DSC3: variants seen among roughly 807,000 people sequenced by gnomAD.
DSC3 encodes desmocollin 3.
Under a neutral mutation model 89.5 loss-of-function variants are expected in DSC3, and 97 were observed. The ratio of observed to expected loss-of-function variants is 1.08; its 90% confidence interval spans 0.92 to 1.28. The LOEUF (loss-of-function observed/expected upper bound fraction) is 1.28, where lower values mean the gene tolerates loss of function less well. DSC3 is among the 50% of genes most tolerant of loss of function. The probability of loss-of-function intolerance (pLI) is 0.00; values close to 1 mark genes in which losing one functional copy is unlikely to be tolerated. For synonymous variants in DSC3, 436 were observed against 384.1 expected (o/e 1.14, Z -1.58); for missense variants, 1,199 against 1,085.3 (o/e 1.10, Z -1.47).
intron 14 of DSC3, among the ~76,000 whole-genome samples, chr18:30,997,800 G>A (rs1984527566): frequency 6.6e-6 from 1 of 152,074 alleles, no homozygotes; most frequent in South Asian, 2.1e-4. Flanking sequence ...GAATAGAACA[G>A]GTAACTGGAA....
chr18:31,003,867 C>A (rs1358461310), intron 13 of DSC3, among the ~76,000 whole-genome samples: 1 of 152,160 alleles, frequency 6.6e-6, no homozygotes, highest in Non-Finnish European at 1.5e-5. Context: ...AGGAATAGCA[C>A]TGGAACCAAG....
intron 7 of DSC3, among the ~76,000 whole-genome samples, chr18:31,021,662 A>G (rs1270106798): frequency 6.6e-6 from 1 of 152,232 alleles, no homozygotes; most frequent in African/African-American, 2.4e-5. Flanking sequence ...TCAATAATGC[A>G]TGATTGCTGA....
Position 31,006,007 on chromosome 18 carries a change from C to T in DSC3, c.1888+900G>A, listed in dbSNP as rs541005700. ...GCTAAGAAATGGAAAAGGAGGTATT[C>T]TATGTAGATATGGCTATATACACAA... On this transcript the variant is annotated intron_variant, in intron 12 of 15. Coordinates refer to ENST00000360428, the MANE Select transcript of DSC3 (RefSeq NM_001941.5). Among the ~76,000 whole-genome samples the T allele has an allele frequency of 1.4e-3, 211 of 152,152 alleles. 1 individual carries two copies. The highest frequency in any genetic ancestry group is 4.7e-3 in the African/African-American group (196 of 41,480).
In DSC3 at chr18:31,013,040, A is replaced by T. The variant is rs186216970; in HGVS notation, c.1264-4515T>A. ...GATATTCATAAGAAAAAAATCCACA[A>T]AGGAAGATCACTAGGTAAGAGTGGC... On this transcript the variant is annotated intron_variant, in intron 9 of 15. Transcript: ENST00000360428. Among the ~76,000 whole-genome samples the T allele has an allele frequency of 3.2e-3, 486 of 152,324 alleles. 3 individuals carry two copies. The highest frequency in any genetic ancestry group is 0.01 in the African/African-American group (417 of 41,582).
At chr18:31,014,899 C>CTG (rs1390953775) in intron 9 of DSC3, among the ~76,000 whole-genome samples, 1 of 152,020 alleles carries the variant, frequency 6.6e-6, no homozygotes, top group Non-Finnish European at 1.5e-5. Context: ...TATTTACCTT[C>CTG]ATCAGCCTTA....
chr18:31,022,448 T>C lies in DSC3; in HGVS notation c.830A>G (p.His277Arg). Reference sequence around the variant, plus strand: ...CAAAATGCTGTATTTCAGGCGCGTATGCATTGTGTCCGGTTCATCTCTGTC... The same window carrying C: ...CAAAATGCTGTATTTCAGGCGCGTACGCATTGTGTCCGGTTCATCTCTGTC... Reference protein sequence around the residue: ...ATDRDEPDTMHTRLKYSILQQ... With the variant: ...ATDRDEPDTMRTRLKYSILQQ... Residue 277 changes from histidine (H) to arginine (R), a missense_variant, in exon 7 of 16, where the codon CAT becomes CGT. Physicochemically the swap from His to Arg is conservative, Grantham distance 29. Transcript: ENST00000360428. 4 of 1,614,086 alleles carry C rather than the reference T, an allele frequency of 2.5e-6. No individual in the cohort carries two copies. The highest frequency in any genetic ancestry group is 1.1e-5 in the South Asian group (1 of 91,086).
At chr18:30,995,018 A>G (rs1218646152) in intron 15 of DSC3, among the ~76,000 whole-genome samples, 2 of 152,164 alleles carry the variant, frequency 1.3e-5, no homozygotes, top group African/African-American at 2.4e-5. Context: ...ATATACATGC[A>G]TCGAAAAGTT....
intron 4 of DSC3, among the ~76,000 whole-genome samples, chr18:31,027,500 T>TTCCTTCCTTCCTTCC (rs1254953044): frequency 2.7e-5 from 2 of 74,640 alleles, no homozygotes; most frequent in Non-Finnish European, 5.6e-5. Context: ...TCCTTCCTTC[T>TTCCTTCCTTCCTTCC]TTCCTTCCTT....
intron 3 of DSC3, 84 bp downstream of exon 3, chr18:31,030,889 A>C: frequency 7.9e-7 from 1 of 1,260,526 alleles, no homozygotes; most frequent in Non-Finnish European, 1.1e-6. Context: ...AAAATACCCT[A>C]TTTATCCTTG....
At position 30,991,183 on chromosome 18, in the gene DSC3, G is replaced by A. The variant is rs1344995682; in HGVS notation, c.*2992C>T. 6.6e-6 allele frequency: 1 copy of A among 152,470 alleles called. No individual in the cohort carries two copies. The highest frequency in any genetic ancestry group is 1.5e-5 in the Non-Finnish European group (1 of 68,010). The allele number at this position is 152,470 out of a possible 1,614,324, so 9.4% of individuals were successfully genotyped here. A position where few individuals can be genotyped will look rare whatever the true frequency, so the allele number is the denominator to read the frequency against. ...AAAAGCAAAGTAACTTCTTTTAATA[G>A]CAATACTAAAACTCTGTTTAAAACA... On this transcript the variant is annotated 3_prime_UTR_variant, in exon 16 of 16. Transcript: ENST00000360428.
intron 15 of DSC3, among the ~76,000 whole-genome samples, chr18:30,996,016 G>GC (rs1439228311): frequency 1.0e-5 from 1 of 97,918 alleles, no homozygotes; most frequent in Non-Finnish European, 2.1e-5. Flanking sequence ...AAAGAAAAAA[G>GC]CTTCTGCTTC....
intron 12 of DSC3, among the ~76,000 whole-genome samples, chr18:31,005,142 A>G (rs1222302202): frequency 6.6e-6 from 1 of 152,188 alleles, no homozygotes; most frequent in South Asian, 2.1e-4. Flanking sequence ...CTGTAGCTGT[A>G]AGAATTTCAA....
In DSC3 at chr18:31,024,425, T is replaced by C. The variant is rs764324735; in HGVS notation, c.699A>G (p.Val233=). ...ADLPLPLPIR[V]EDENDNHPVF... is the part of the protein sequence containing the mutation. The stretch of plus-strand genomic sequence containing the variant: ...CAGGGTGGTTGTCATTTTCATCCTC[T>C]ACCCTGATGGGTAGTGGGAGGGGCA... The change falls in exon 6 of 16, where the codon GTA becomes GTG. Residue 233 remains valine, a synonymous_variant. Coordinates refer to ENST00000360428, the MANE Select transcript of DSC3 (RefSeq NM_001941.5). 3.1e-6 allele frequency: 5 copies of C among 1,611,782 alleles called. No individual in the cohort carries two copies. Among genetic ancestry groups the C allele is most frequent in the South Asian group, 2.2e-5 (2 of 90,722 alleles).
At chr18:31,005,063 A>G (rs1003058615) in intron 12 of DSC3, among the ~76,000 whole-genome samples, 4 of 152,210 alleles carry the variant, frequency 2.6e-5, no homozygotes, top group Non-Finnish European at 5.9e-5. Flanking sequence ...GACTAAGTAA[A>G]ATGAAAAAGT....
At chr18:31,023,956 C>T (rs1406380564) in intron 6 of DSC3, among the ~76,000 whole-genome samples, 1 of 151,962 alleles carries the variant, frequency 6.6e-6, no homozygotes, top group Admixed American at 6.6e-5. Flanking sequence ...CATTTAACAC[C>T]TTCCTAAATA....
intron 4 of DSC3, among the ~76,000 whole-genome samples, chr18:31,026,528 G>C (rs1453267728): frequency 6.6e-6 from 1 of 152,108 alleles, no homozygotes; most frequent in Admixed American, 6.6e-5. Flanking sequence ...ACCCAGAGAA[G>C]AGACTGTAGT....
chr18:31,029,166 T>G (rs1368258623), intron 4 of DSC3, among the ~76,000 whole-genome samples: 2 of 152,174 alleles, frequency 1.3e-5, no homozygotes, highest in Non-Finnish European at 2.9e-5. Flanking sequence ...ATCCTACTTC[T>G]GTCTCCTTCA....
At chr18:31,025,381 A>T (rs1417244829) in intron 5 of DSC3, among the ~76,000 whole-genome samples, 2 of 152,164 alleles carry the variant, frequency 1.3e-5, no homozygotes, top group Non-Finnish European at 2.9e-5. Context: ...AAGTAAGAAC[A>T]GTATAGATAC....
rs1220361633 is a variant in DSC3 at position 30,990,886 on chromosome 18, C to T, written c.*3289G>A. On this transcript the variant is annotated 3_prime_UTR_variant, in exon 16 of 16. Transcript: ENST00000360428. ...TGTGCTTCAAAATAGTGATCTCTTC[C>T]CAACATTACAATATATATTAATGAT... The T allele has an allele frequency of 1.3e-5, 2 of 152,026 alleles. No homozygotes were observed. Among genetic ancestry groups the T allele is most frequent in the Non-Finnish European group, 2.9e-5 (2 of 68,030 alleles). 9.4% of individuals were successfully genotyped at this position (152,026 alleles called of 1,614,324 possible).
Sources: allele counts gnomAD v4.1 joint callset (sites outside exome capture counted in the v4.1 genomes callset), GRCh38; gene constraint gnomAD v4.1.1; transcripts MANE v1.5; gene names NCBI Gene and HGNC (gene_info 2026-07-23, HGNC 2026-07-21).